The following ACTL7B variants were observed in gnomAD, a reference collection of about 807,000 sequenced individuals.
ACTL7B encodes actin like 7B.
ACTL7B carries 14 observed loss-of-function variants against 17.5 expected under a neutral mutation model. The ratio of observed to expected loss-of-function variants is 0.80; its 90% CI spans 0.53 to 1.25. ACTL7B has a LOEUF of 1.25. Ranked by LOEUF, ACTL7B falls within the 50% of genes most tolerant of loss-of-function variation. ACTL7B has a pLI of 0.00. For missense variants in ACTL7B, 599 were observed against 573.9 expected (o/e 1.04, Z -0.45); for synonymous variants, 267 against 252.4 (o/e 1.06, Z -0.55).
Position 108,855,776 on chromosome 9 carries a change from A to G in ACTL7B, c.155T>C (p.Val52Ala), listed in dbSNP as rs767799116. ...GTACTGGGAGCCCAGGTCGATGATG[A>G]CCGCCTTGATCTTGTGCACCTTCCT... ...KPRKVHKIKAVIIDLGSQYCK... is the reference protein window; with the variant it reads ...KPRKVHKIKAAIIDLGSQYCK... The change falls in exon 1 of 1, where the codon GTC becomes GCC. Residue 52 changes from valine (V) to alanine (A), a missense_variant. Val to Ala is a moderately conservative substitution (Grantham distance 64). Coordinates refer to ENST00000374667, the MANE Select transcript of ACTL7B (RefSeq NM_006686.4). 12 of 1,609,718 alleles carry G rather than the reference A, an allele frequency of 7.5e-6. No individual in the cohort carries two copies. Among genetic ancestry groups the G allele is most frequent in the African/African-American group, 1.3e-5 (1 of 74,880 alleles).
Position 108,854,622 on chromosome 9 carries a change from T to G in ACTL7B, c.*61A>C. The G allele has an allele frequency of 7.3e-7, 1 of 1,373,788 alleles. No homozygotes were observed. The highest frequency in any genetic ancestry group is 9.5e-7 in the Non-Finnish European group (1 of 1,054,982). The allele number at this position is 1,373,788 out of a possible 1,614,324, so 85.1% of individuals were successfully genotyped here. On this transcript the variant is annotated 3_prime_UTR_variant, in exon 1 of 1. Transcript: ENST00000374667. ...AAACCTTTATGTGAAATTCTGTAAA[T>G]GTGTATAGAGAGGCCTGTGGCCATC...
In ACTL7B at chr9:108,854,633, AGGCCTGT is replaced by A; in HGVS notation, c.*43_*49del. ...TGAAATTCTGTAAATGTGTATAGAGAGGCCTGTGGCCATCTGTGCTGGAGGCCTTGTC... is the reference window on the plus strand; with the variant it reads ...TGAAATTCTGTAAATGTGTATAGAGAGGCCATCTGTGCTGGAGGCCTTGTC... On this transcript the variant is annotated 3_prime_UTR_variant, in exon 1 of 1. Coordinates refer to ENST00000374667, the MANE Select transcript of ACTL7B (RefSeq NM_006686.4). 1 of 1,421,222 alleles carries A rather than the reference AGGCCTGT, an allele frequency of 7.0e-7. No individual in the cohort carries two copies. Among genetic ancestry groups the A allele is most frequent in the South Asian group, 1.9e-5 (1 of 53,970 alleles). The allele number at this position is 1,421,222 out of a possible 1,614,324, so 88.0% of individuals were successfully genotyped here. A position where few individuals can be genotyped will look rare whatever the true frequency, so the allele number is the denominator to read the frequency against.
In ACTL7B at chr9:108,855,266, G is replaced by T. The variant is rs747111351; in HGVS notation, c.665C>A (p.Ala222Asp). 2 of 1,596,610 alleles carry T rather than the reference G, an allele frequency of 1.3e-6. No homozygotes were observed. Among genetic ancestry groups the T allele is most frequent in the Non-Finnish European group, 1.7e-6 (2 of 1,176,846 alleles). The change falls in exon 1 of 1, where the codon GCC (alanine) becomes GAC (aspartate). Residue 222 changes from alanine (A) to aspartate (D), a missense_variant. Transcript: ENST00000374667. ...GDVLPGLTSRADYAGGDLTNY... is the reference protein window; with the variant it reads ...GDVLPGLTSRDDYAGGDLTNY... ...GGTGAGGTCACCCCCAGCGTAGTCG[G>T]CGCGGCTGGTCAGGCCCGGCAGCAC...
rs751944183 is a variant in ACTL7B, at chr9:108,855,616, C to T, written c.315G>A (p.Thr105=). Residue 105 remains threonine (T), a synonymous_variant, in exon 1 of 1, where the codon ACG becomes ACA. Coordinates refer to ENST00000374667, the MANE Select transcript of ACTL7B (RefSeq NM_006686.4). ...GGTTCACCAGCTTGAGAGGCGCCTC[C>T]GTGTTGAGCAGCTCATGGCCCACTA... is the stretch of plus-strand genomic sequence containing the variant. ...WTLVGHELLN[T]EAPLKLVNPL... 6.8e-6 allele frequency: 11 copies of T among 1,613,666 alleles called. No homozygotes were observed. Among genetic ancestry groups the T allele is most frequent in the Admixed American group, 1.7e-5 (1 of 60,016 alleles).
Position 108,855,777 on chromosome 9 carries a change from C to G in ACTL7B, c.154G>C (p.Val52Leu), listed in dbSNP as rs1827093804. 1 of 1,609,972 alleles carries G rather than the reference C, an allele frequency of 6.2e-7. No individual in the cohort carries two copies. The highest frequency in any genetic ancestry group is 8.5e-7 in the Non-Finnish European group (1 of 1,180,006). The part of the protein sequence containing the change: ...KPRKVHKIKA[V>L]IIDLGSQYCK... ...TACTGGGAGCCCAGGTCGATGATGA[C>G]CGCCTTGATCTTGTGCACCTTCCTG... Residue 52 changes from valine (V) to leucine (L), a missense_variant, in exon 1 of 1, where the codon GTC becomes CTC. Physicochemically the swap from Val to Leu is conservative, Grantham distance 32 (BLOSUM62 1). Coordinates refer to ENST00000374667, the MANE Select transcript of ACTL7B (RefSeq NM_006686.4).
rs992564257 is a variant in ACTL7B at position 108,855,268 on chromosome 9, G to A, written c.663C>T (p.Arg221=). ...TGAGGTCACCCCCAGCGTAGTCGGC[G>A]CGGCTGGTCAGGCCCGGCAGCACGT... The part of the protein sequence containing the change: ...EGDVLPGLTS[R]ADYAGGDLTN... The change falls in exon 1 of 1, where the codon CGC becomes CGT. Residue 221 remains arginine, a synonymous_variant. Coordinates refer to ENST00000374667, the MANE Select transcript of ACTL7B (RefSeq NM_006686.4). The A allele has an allele frequency of 1.3e-6, 2 of 1,596,796 alleles. No individual in the cohort carries two copies. The highest frequency in any genetic ancestry group is 1.1e-5 in the South Asian group (1 of 90,706).
Position 108,854,746 on chromosome 9 carries a change from C to T in ACTL7B, c.1185G>A (p.Gln395=). The change falls in exon 1 of 1, where the codon CAG becomes CAA. Residue 395 remains glutamine, a synonymous_variant. Coordinates refer to ENST00000374667, the MANE Select transcript of ACTL7B (RefSeq NM_006686.4). The part of the protein sequence containing the change: ...SILASLQAFQ[Q]LWVSKEEFEE... ...CAAACTCTTCCTTGCTGACCCAGAG[C>T]TGTTGGAAGGCCTGCAGGGAGGCCA... 1 of 1,563,454 alleles carries T rather than the reference C, an allele frequency of 6.4e-7. No homozygotes were observed. The highest frequency in any genetic ancestry group is 1.2e-5 in the South Asian group (1 of 83,106).
chr9:108,855,328 G>C lies in ACTL7B; in HGVS notation c.603C>G (p.His201Gln), dbSNP rs779265577. ...KTSGLVVESG[H>Q]GVSHVVPISE... is the part of the protein sequence containing the mutation. ...ATATGGGCACCACGTGCGAGACGCC[G>C]TGCCCGCTCTCCACCACCAGCCCCG... Residue 201 changes from histidine to glutamine, a missense_variant, in exon 1 of 1, where the codon CAC (histidine) becomes CAG (glutamine). His to Gln is a conservative substitution (Grantham distance 24, BLOSUM62 0). Transcript: ENST00000374667. The C allele has an allele frequency of 2.4e-5, 39 of 1,606,518 alleles. No individual in the cohort carries two copies. The highest frequency in any genetic ancestry group is 3.2e-5 in the Non-Finnish European group (38 of 1,179,972).
In ACTL7B at chr9:108,854,628, TA is replaced by T; in HGVS notation, c.*54del. The T allele has an allele frequency of 7.1e-7, 1 of 1,416,702 alleles. No individual in the cohort carries two copies. Among genetic ancestry groups the T allele is most frequent in the Non-Finnish European group, 9.3e-7 (1 of 1,079,166 alleles). 87.8% of individuals were successfully genotyped at this position (1,416,702 alleles called of 1,614,324 possible). On this transcript the variant is annotated 3_prime_UTR_variant, in exon 1 of 1. Coordinates refer to ENST00000374667, the MANE Select transcript of ACTL7B (RefSeq NM_006686.4). ...TTATGTGAAATTCTGTAAATGTGTA[TA>T]GAGAGGCCTGTGGCCATCTGTGCTG...
Position 108,855,482 on chromosome 9 carries a change from G to C in ACTL7B, c.449C>G (p.Ser150Cys), listed in dbSNP as rs1827086197. 1 of 1,613,468 alleles carries C rather than the reference G, an allele frequency of 6.2e-7. No individual in the cohort carries two copies. Among genetic ancestry groups the C allele is most frequent in the Non-Finnish European group, 8.5e-7 (1 of 1,180,030 alleles). The change falls in exon 1 of 1, where the codon TCC becomes TGC. Residue 150 changes from serine (S) to cysteine (C), a missense_variant. Physicochemically the swap from Ser to Cys is moderately radical, Grantham distance 112. Transcript: ENST00000374667. ...ILPEEHAVLV[S>C]DPPLSPSSNR... The stretch of plus-strand genomic sequence containing the variant: ...GCTGCTGGGGCTGAGCGGAGGGTCG[G>C]AGACCAGCACAGCGTGCTCCTCGGG...
rs765031166 is a variant in ACTL7B at position 108,855,959 on chromosome 9, C to T, written c.-29G>A. 6.3e-5 allele frequency: 97 copies of T among 1,547,126 alleles called. No individual in the cohort carries two copies. Among genetic ancestry groups the T allele is most frequent in the Non-Finnish European group, 8.3e-5 (95 of 1,150,864 alleles). ...CCTCCCTTGCTCCCCTTCTCACATC[C>T]ACAGCCTAGAGCCCCCTGGGGAGAA... On this transcript the variant is annotated 5_prime_UTR_variant, in exon 1 of 1. Coordinates refer to ENST00000374667, the MANE Select transcript of ACTL7B (RefSeq NM_006686.4).
chr9:108,855,900 C>T lies in ACTL7B; in HGVS notation c.31G>A (p.Gly11Ser), dbSNP rs1428000003. MATRNSPMPLGTAQGDPGEAG... is the reference protein window; with the variant it reads MATRNSPMPLSTAQGDPGEAG... ...TCTCCAGGGTCACCCTGAGCCGTGC[C>T]CAGGGGCATGGGGCTGTTCCTTGTC... The change falls in exon 1 of 1, where the codon GGC becomes AGC. Residue 11 changes from glycine to serine, a missense_variant. Transcript: ENST00000374667. 2.5e-6 allele frequency: 4 copies of T among 1,603,030 alleles called. No homozygotes were observed. In the African/African-American group the frequency reaches 5.4e-5, roughly 21 times the overall value.
In ACTL7B at chr9:108,855,259, G is replaced by T. The variant is rs138281895; in HGVS notation, c.672C>A (p.Tyr224Ter). Residue 224 changes from tyrosine to a stop codon, truncating the protein, a stop_gained, in exon 1 of 1, where the codon TAC becomes TAA. Transcript: ENST00000374667. LOFTEE classifies it high-confidence loss of function. ...GGTAGTTGGTGAGGTCACCCCCAGCGTAGTCGGCGCGGCTGGTCAGGCCCG... is the reference window on the plus strand; with the variant it reads ...GGTAGTTGGTGAGGTCACCCCCAGCTTAGTCGGCGCGGCTGGTCAGGCCCG... ...VLPGLTSRADYAGGDLTNYLM... is the reference protein window; with the variant it reads ...VLPGLTSRAD The T allele has an allele frequency of 1.9e-6, 3 of 1,596,608 alleles. No individual in the cohort carries two copies. In the African/African-American group the frequency reaches 4.0e-5, roughly 21 times the overall value.
rs1827072331 is a variant in ACTL7B, at chr9:108,855,058, A to G, written c.873T>C (p.Ile291=). ...YELPDGKLIT[I]GQERFRCSEM... is the part of the protein sequence containing the mutation. Reference sequence around the variant, plus strand: ...CAGAGCAACGGAAGCGCTCCTGGCCAATAGTGATGAGTTTGCCGTCCGGGA... The same window carrying G: ...CAGAGCAACGGAAGCGCTCCTGGCCGATAGTGATGAGTTTGCCGTCCGGGA... The change falls in exon 1 of 1, where the codon ATT becomes ATC. Residue 291 remains isoleucine (I), a synonymous_variant. Coordinates refer to ENST00000374667, the MANE Select transcript of ACTL7B (RefSeq NM_006686.4). 1.9e-6 allele frequency: 3 copies of G among 1,555,376 alleles called. No homozygotes were observed. The highest frequency in any genetic ancestry group is 2.3e-5 in the East Asian group (1 of 44,376).
Position 108,854,596 on chromosome 9 carries a change from T to G in ACTL7B, c.*87A>C. 1 of 1,325,454 alleles carries G rather than the reference T, an allele frequency of 7.5e-7. No homozygotes were observed. Among genetic ancestry groups the G allele is most frequent in the Non-Finnish European group, 9.8e-7 (1 of 1,024,224 alleles). The allele number at this position is 1,325,454 out of a possible 1,614,324, so 82.1% of individuals were successfully genotyped here. On this transcript the variant is annotated 3_prime_UTR_variant, in exon 1 of 1. Coordinates refer to ENST00000374667, the MANE Select transcript of ACTL7B (RefSeq NM_006686.4). ...AGACTAGACAAGAGCCATTTCAGAG[T>G]AAACCTTTATGTGAAATTCTGTAAA... is the stretch of plus-strand genomic sequence containing the variant.
At position 108,855,630 on chromosome 9, in the gene ACTL7B, C is replaced by T. The variant is rs754605711; in HGVS notation, c.301G>A (p.Glu101Lys). The change falls in exon 1 of 1, where the codon GAG becomes AAG. Residue 101 changes from glutamate to lysine, a missense_variant. Glu to Lys is a moderately conservative substitution (Grantham distance 56). Coordinates refer to ENST00000374667, the MANE Select transcript of ACTL7B (RefSeq NM_006686.4). ...DTRKWTLVGH[E>K]LLNTEAPLKL... Reference sequence around the variant, plus strand: ...AGAGGCGCCTCCGTGTTGAGCAGCTCATGGCCCACTAAAGTCCACTTGCGG... The same window carrying T: ...AGAGGCGCCTCCGTGTTGAGCAGCTTATGGCCCACTAAAGTCCACTTGCGG... 5 of 1,613,776 alleles carry T rather than the reference C, an allele frequency of 3.1e-6. No individual in the cohort carries two copies. The highest frequency in any genetic ancestry group is 4.2e-6 in the Non-Finnish European group (5 of 1,180,052).
chr9:108,855,961 C>T lies in ACTL7B; in HGVS notation c.-31G>A. ...TCCCTTGCTCCCCTTCTCACATCCA[C>T]AGCCTAGAGCCCCCTGGGGAGAAAT... is the stretch of plus-strand genomic sequence containing the variant. On this transcript the variant is annotated 5_prime_UTR_variant, in exon 1 of 1. The change creates a new upstream start codon in the 5' untranslated region. Coordinates refer to ENST00000374667, the MANE Select transcript of ACTL7B (RefSeq NM_006686.4). 6.5e-7 allele frequency: 1 copy of T among 1,535,918 alleles called. No homozygotes were observed. Among genetic ancestry groups the T allele is most frequent in the Non-Finnish European group, 8.7e-7 (1 of 1,145,340 alleles).
In ACTL7B at chr9:108,855,462, T is replaced by A. The variant is rs1024019431; in HGVS notation, c.469A>T (p.Ser157Cys). The change falls in exon 1 of 1, where the codon AGC becomes TGC. Residue 157 changes from serine to cysteine, a missense_variant. Physicochemically the swap from Ser to Cys is moderately radical, Grantham distance 112. Coordinates refer to ENST00000374667, the MANE Select transcript of ACTL7B (RefSeq NM_006686.4). ...TCCGCGTACTTCTCCCGGTTGCTGC[T>A]GGGGCTGAGCGGAGGGTCGGAGACC... is the stretch of plus-strand genomic sequence containing the variant. ...VLVSDPPLSP[S>C]SNREKYAELM... 32 of 1,613,290 alleles carry A rather than the reference T, an allele frequency of 2.0e-5. No individual in the cohort carries two copies. Among genetic ancestry groups the A allele is most frequent in the Non-Finnish European group, 2.7e-5 (32 of 1,179,964 alleles).
chr9:108,855,755 T>G lies in ACTL7B; in HGVS notation c.176A>C (p.Gln59Pro). Residue 59 changes from glutamine (Q) to proline (P), a missense_variant, in exon 1 of 1, where the codon CAG becomes CCG. Transcript: ENST00000374667. ...IKAVIIDLGS[Q>P]YCKCGYAGEP... Reference sequence around the variant, plus strand: ...TCCCGCGTAGCCGCACTTGCAGTACTGGGAGCCCAGGTCGATGATGACCGC... The same window carrying G: ...TCCCGCGTAGCCGCACTTGCAGTACGGGGAGCCCAGGTCGATGATGACCGC... 6.2e-7 allele frequency: 1 copy of G among 1,609,424 alleles called. No individual in the cohort carries two copies. The highest frequency in any genetic ancestry group is 1.1e-5 in the South Asian group (1 of 91,068).
Sources: allele counts gnomAD v4.1 joint callset, GRCh38; gene constraint gnomAD v4.1.1; transcripts MANE v1.5; gene names NCBI Gene and HGNC (gene_info 2026-07-23, HGNC 2026-07-21).